Variants in IGF1R observed in about 807,000 individuals in gnomAD.
IGF1R encodes the protein insulin-like growth factor 1 receptor.
A neutral mutation model predicts 144.6 loss-of-function variants in IGF1R; 44 were observed. The observed-to-expected ratio is 0.30, with a 90% CI of 0.24 to 0.39. The LOEUF (loss-of-function observed/expected upper bound fraction) is 0.39, where lower values mean the gene tolerates loss of function less well. Among genes scored for constraint, IGF1R ranks in the 10% least tolerant of loss-of-function variants. The probability of loss-of-function intolerance (pLI) is 1.00; values close to 1 mark genes in which losing one functional copy is unlikely to be tolerated. For synonymous variants in IGF1R, 795 were observed against 722.8 expected (o/e 1.10, Z -1.60); for missense variants, 1,355 against 1,833.7 (o/e 0.74, Z 4.77).
intron 2 of IGF1R, among the ~76,000 whole-genome samples, chr15:98,757,345 G>T (rs1426191997): frequency 1.3e-5 from 2 of 152,024 alleles, no homozygotes; most frequent in African/African-American, 2.4e-5. Context: ...CATATTTTTA[G>T]TAGAGATGAG....
chr15:98,720,704 G>C (rs970529432), intron 2 of IGF1R, among the ~76,000 whole-genome samples: 1 of 152,226 alleles, frequency 6.6e-6, no homozygotes, highest in African/African-American at 2.4e-5. Context: ...TAGGATTGAT[G>C]TTAAGTCTTA....
intron 1 of IGF1R, among the ~76,000 whole-genome samples, chr15:98,674,241 T>C (rs1440736182): frequency 6.6e-6 from 1 of 152,224 alleles, no homozygotes; most frequent in East Asian, 1.9e-4. Context: ...ACAGTGGTCA[T>C]GATGGCTTTA....
At chr15:98,947,672 C>A (rs916482487) in intron 19 of IGF1R, among the ~76,000 whole-genome samples, 1 of 152,184 alleles carries the variant, frequency 6.6e-6, no homozygotes, top group Non-Finnish European at 1.5e-5. Context: ...GTTTTGTTTT[C>A]CAGTGGTTTG....
At chr15:98,653,562 A>G (rs1478016288) in intron 1 of IGF1R, among the ~76,000 whole-genome samples, 1 of 152,236 alleles carries the variant, frequency 6.6e-6, no homozygotes, top group African/African-American at 2.4e-5. Context: ...TTTAGGATAC[A>G]CTGTTTCAAG....
At chr15:98,836,082 A>G (rs1256748227) in intron 2 of IGF1R, among the ~76,000 whole-genome samples, 1 of 152,194 alleles carries the variant, frequency 6.6e-6, no homozygotes, top group Non-Finnish European at 1.5e-5. Context: ...AGCGACAATT[A>G]TGAAATTCGT....
chr15:98,865,012 C>T (rs1465391474), intron 2 of IGF1R, among the ~76,000 whole-genome samples: 1 of 152,030 alleles, frequency 6.6e-6, no homozygotes, highest in African/African-American at 2.4e-5. Flanking sequence ...TGAAATGTAG[C>T]TGTTATATTT....
chr15:98,745,035 C>CT lies in IGF1R; in HGVS notation c.640+36934dup, dbSNP rs899230370. Among the ~76,000 whole-genome samples, 16 of 152,188 alleles carry CT rather than the reference C, an allele frequency of 1.1e-4. No homozygotes were observed. In the East Asian group the frequency reaches 2.9e-3, roughly 28 times the overall value. Reference sequence around the variant, plus strand: ...AGGTCTGGGAGTAACTCTCTTATGACTTTTTTAGCCTAGTAGAATTGAACA... The same window carrying CT: ...AGGTCTGGGAGTAACTCTCTTATGACTTTTTTTAGCCTAGTAGAATTGAACA... On this transcript the variant is annotated intron_variant, in intron 2 of 20. Coordinates refer to ENST00000650285, the MANE Select transcript of IGF1R (RefSeq NM_000875.5).
At chr15:98,892,107 C>CA (rs1207747471) in intron 3 of IGF1R, among the ~76,000 whole-genome samples, 2 of 152,316 alleles carry the variant, frequency 1.3e-5, no homozygotes, top group African/African-American at 4.8e-5. Context: ...CAAGAGCTAG[C>CA]AGCAGCTCAG....
At chr15:98,828,595 G>A (rs1216078576) in intron 2 of IGF1R, among the ~76,000 whole-genome samples, 2 of 152,092 alleles carry the variant, frequency 1.3e-5, no homozygotes, top group Non-Finnish European at 2.9e-5. Flanking sequence ...CTCTCATCAC[G>A]TTCCCACTGA....
chr15:98,783,699 C>G (rs1185311016), intron 2 of IGF1R, among the ~76,000 whole-genome samples: 1 of 152,164 alleles, frequency 6.6e-6, no homozygotes, highest in African/African-American at 2.4e-5. Context: ...TTATTGAACT[C>G]ACTTTTTAGT....
chr15:98,785,028 T>C (rs925612816), intron 2 of IGF1R, among the ~76,000 whole-genome samples: 3 of 152,194 alleles, frequency 2.0e-5, no homozygotes, highest in African/African-American at 4.8e-5. Flanking sequence ...CATGTGTATA[T>C]ATATATGTGT....
intron 2 of IGF1R, among the ~76,000 whole-genome samples, chr15:98,728,007 G>GTTTTTTTTTTTTTTTTTTTTTTTTTTTTT (rs10680958): frequency 9.2e-6 from 1 of 108,750 alleles, no homozygotes; most frequent in Non-Finnish European, 1.8e-5. Context: ...AAGATGCATT[G>GTTTTTTTTTTTTTTTTTTTTTTTTTTTTT]TTTTTTTTTT....
intron 2 of IGF1R, among the ~76,000 whole-genome samples, chr15:98,753,380 CTTTTTTTTT>C (rs1173073572): frequency 5.3e-4 from 32 of 60,288 alleles, no homozygotes; most frequent in Admixed American, 2.5e-3. Flanking sequence ...CCATACCTGG[CTTTTTTTTT>C]TTTTTTTTTT....
intron 2 of IGF1R, among the ~76,000 whole-genome samples, chr15:98,712,434 G>T (rs72767962): frequency 0.032 from 4,921 of 151,966 alleles, 115 homozygotes; most frequent in African/African-American, 0.063. Flanking sequence ...AGGAATGTGG[G>T]TGTCCTTTGG....
chr15:98,741,235 CTTTTT>C (rs540942858), intron 2 of IGF1R, among the ~76,000 whole-genome samples: 1 of 70,330 alleles, frequency 1.4e-5, no homozygotes, highest in South Asian at 4.8e-4. Context: ...TTTTCCTGAG[CTTTTT>C]TTTTTTTTTT....
intron 10 of IGF1R, among the ~76,000 whole-genome samples, chr15:98,920,290 G>A (rs11630136): frequency 3.3e-5 from 5 of 152,178 alleles, no homozygotes; most frequent in Non-Finnish European, 5.9e-5. Context: ...ATAATGTTCT[G>A]TGTCACCTCC....
At position 98,668,264 on chromosome 15, in the gene IGF1R, C is replaced by T. The variant is rs2052795212; in HGVS notation, c.94+18589C>T. Among the ~76,000 whole-genome samples the T allele has an allele frequency of 2.0e-5, 3 of 152,168 alleles. No homozygotes were observed. The South Asian group carries it at 6.2e-4, about 31-fold the overall frequency. Reference sequence around the variant, plus strand: ...CCTAAGGCCCCACCTTCAGATACCACTGAAGGTATCTGGGGGTTGGGGCTT... The same window carrying T: ...CCTAAGGCCCCACCTTCAGATACCATTGAAGGTATCTGGGGGTTGGGGCTT... On this transcript the variant is annotated intron_variant, in intron 1 of 20. Coordinates refer to ENST00000650285, the MANE Select transcript of IGF1R (RefSeq NM_000875.5).
chr15:98,928,978 A>G (rs1236141963), intron 13 of IGF1R, among the ~76,000 whole-genome samples: 3 of 152,146 alleles, frequency 2.0e-5, no homozygotes, highest in Non-Finnish European at 4.4e-5. Flanking sequence ...GCAGGACTTG[A>G]CCTATACATA....
chr15:98,852,718 C>T (rs542016047), intron 2 of IGF1R, among the ~76,000 whole-genome samples: 1 of 152,316 alleles, frequency 6.6e-6, no homozygotes, highest in South Asian at 2.1e-4. Flanking sequence ...CCTCCCTCCG[C>T]CTCCCGCCGT....
Sources: allele counts gnomAD v4.1 joint callset (sites outside exome capture counted in the v4.1 genomes callset), GRCh38; gene constraint gnomAD v4.1.1; transcripts MANE v1.5; gene names NCBI Gene and HGNC (gene_info 2026-07-23, HGNC 2026-07-21).